Variants in ZBTB7C observed in about 807,000 individuals in gnomAD.
ZBTB7C encodes zinc finger and BTB domain-containing protein 7C.
In ZBTB7C, 8 loss-of-function variants were observed where a neutral mutation model predicts 25.7. That is an observed-to-expected ratio of 0.31 (90% CI 0.18 to 0.56). The LOEUF (loss-of-function observed/expected upper bound fraction) is 0.56. ZBTB7C is among the 20% of genes least tolerant of loss of function. The pLI, the probability that ZBTB7C is intolerant of heterozygous loss-of-function variation, is 0.91. For synonymous variants in ZBTB7C, 394 were observed against 369.0 expected (o/e 1.07, Z -0.78); for missense variants, 824 against 855.2 (o/e 0.96, Z 0.46).
intron 2 of ZBTB7C, among the ~76,000 whole-genome samples, chr18:48,316,205 C>T (rs2144822496): frequency 1.3e-5 from 2 of 152,324 alleles, no homozygotes; most frequent in Middle Eastern, 3.4e-3. Context: ...TAAAAATCTT[C>T]ATGGAAAATA....
chr18:48,377,669 G>A (rs1273972461), intron 1 of ZBTB7C, among the ~76,000 whole-genome samples: 1 of 152,186 alleles, frequency 6.6e-6, no homozygotes, highest in Admixed American at 6.5e-5. Flanking sequence ...AAGAACTGGA[G>A]AAGAAACAAA....
intron 3 of ZBTB7C, among the ~76,000 whole-genome samples, chr18:48,052,887 T>C (rs756578828): frequency 2.6e-5 from 4 of 152,220 alleles, no homozygotes; most frequent in Non-Finnish European, 4.4e-5. Context: ...TCTGAGGTCA[T>C]GCACAGCTCG....
At chr18:48,246,791 C>T (rs1389813569) in intron 2 of ZBTB7C, among the ~76,000 whole-genome samples, 1 of 151,984 alleles carries the variant, frequency 6.6e-6, no homozygotes, top group Non-Finnish European at 1.5e-5. Flanking sequence ...CTTTGACACC[C>T]CCCATCCCAT....
intron 3 of ZBTB7C, among the ~76,000 whole-genome samples, chr18:48,171,142 CTCT>C (rs1296385034): frequency 1.3e-5 from 2 of 152,262 alleles, no homozygotes; most frequent in Non-Finnish European, 2.9e-5. Context: ...TCTCACTTAA[CTCT>C]TTCTCTGGCC....
intron 2 of ZBTB7C, among the ~76,000 whole-genome samples, chr18:48,243,933 C>A (rs1465849611): frequency 6.6e-6 from 1 of 152,118 alleles, no homozygotes; most frequent in Non-Finnish European, 1.5e-5. Context: ...AAAAGGACAC[C>A]CTATTCAACA....
chr18:48,305,856 A>C (rs2045660434), intron 2 of ZBTB7C, among the ~76,000 whole-genome samples: 1 of 152,170 alleles, frequency 6.6e-6, no homozygotes, highest in African/African-American at 2.4e-5. Context: ...CCTCAGCCCC[A>C]AGGGTGGCAT....
At chr18:48,306,729 G>C (rs2045683361) in intron 2 of ZBTB7C, among the ~76,000 whole-genome samples, 1 of 152,110 alleles carries the variant, frequency 6.6e-6, no homozygotes, top group South Asian at 2.1e-4. Context: ...CCCCAGGTAT[G>C]GGGTCAGAGC....
intron 3 of ZBTB7C, among the ~76,000 whole-genome samples, chr18:48,122,344 GT>G (rs2039659104): frequency 6.6e-6 from 1 of 152,166 alleles, no homozygotes; most frequent in South Asian, 2.1e-4. Flanking sequence ...TTGGCTGATT[GT>G]TGGTCATTTT....
intron 1 of ZBTB7C, among the ~76,000 whole-genome samples, chr18:48,399,318 T>C (rs910603992): frequency 1.3e-5 from 2 of 152,246 alleles, no homozygotes; most frequent in Non-Finnish European, 2.9e-5. Flanking sequence ...TTTGTACCTT[T>C]TGAATTTTAA....
chr18:48,282,833 C>T (rs1419275619), intron 2 of ZBTB7C, among the ~76,000 whole-genome samples: 1 of 152,134 alleles, frequency 6.6e-6, no homozygotes, highest in Non-Finnish European at 1.5e-5. Context: ...AAAGTCAGGA[C>T]AATGGTTACC....
intron 3 of ZBTB7C, chr18:48,165,490 C>T (rs2041213743): frequency 3.4e-6 from 1 of 289,980 alleles, no homozygotes; most frequent in Non-Finnish European, 6.8e-6. Flanking sequence ...GCGGCCTCAT[C>T]AGCACCTGCT....
chr18:48,333,620 T>C (rs1307312267), intron 2 of ZBTB7C, among the ~76,000 whole-genome samples: 2 of 152,218 alleles, frequency 1.3e-5, no homozygotes, highest in Admixed American at 1.3e-4. Flanking sequence ...AAATGTGCCA[T>C]AGATCATCTT....
intron 3 of ZBTB7C, among the ~76,000 whole-genome samples, chr18:48,102,129 T>A (rs1171697644): frequency 2.6e-5 from 4 of 152,214 alleles, no homozygotes; most frequent in Admixed American, 2.6e-4. Flanking sequence ...CAGCTGCTAA[T>A]TCTAAAAAAG....
chr18:48,318,470 C>T (rs997413107), intron 2 of ZBTB7C, among the ~76,000 whole-genome samples: 1 of 152,108 alleles, frequency 6.6e-6, no homozygotes, highest in African/African-American at 2.4e-5. Context: ...CCTTGCAGAC[C>T]CATGCTGCCC....
intron 2 of ZBTB7C, among the ~76,000 whole-genome samples, chr18:48,326,153 T>A (rs1180146103): frequency 1.4e-5 from 2 of 147,220 alleles, no homozygotes; most frequent in African/African-American, 5.0e-5. Context: ...TGGAGTGCAG[T>A]GGCACAATCC....
At chr18:48,394,381 A>C (rs2047971927) in intron 1 of ZBTB7C, among the ~76,000 whole-genome samples, 2 of 152,186 alleles carry the variant, frequency 1.3e-5, no homozygotes, top group Admixed American at 1.3e-4. Context: ...TCTTTGCCTC[A>C]TTCACAGCGC....
chr18:48,345,743 G>GT (rs1265018092), intron 1 of ZBTB7C, among the ~76,000 whole-genome samples: 5 of 152,214 alleles, frequency 3.3e-5, no homozygotes, highest in African/African-American at 4.8e-5. Context: ...CCTGCCTGAG[G>GT]TGCAGTGTCT....
intron 2 of ZBTB7C, among the ~76,000 whole-genome samples, chr18:48,261,290 G>A (rs748917301): frequency 1.3e-5 from 2 of 152,158 alleles, no homozygotes; most frequent in Admixed American, 6.5e-5. Context: ...CTCGAGTGCT[G>A]GGCAGGGCAC....
intron 2 of ZBTB7C, among the ~76,000 whole-genome samples, chr18:48,269,598 G>A (rs563448455): frequency 7.9e-5 from 12 of 152,344 alleles, no homozygotes; most frequent in East Asian, 1.9e-4. Flanking sequence ...CTGATATAGC[G>A]TAGGCAGATG....
Sources: allele counts gnomAD v4.1 joint callset (sites outside exome capture counted in the v4.1 genomes callset), GRCh38; gene constraint gnomAD v4.1.1; transcripts MANE v1.5; gene names NCBI Gene and HGNC (gene_info 2026-07-23, HGNC 2026-07-21).